PPFIBP1: variants seen among roughly 807,000 people sequenced by gnomAD.
PPFIBP1 encodes the protein PPFIB scaffold protein 1, also known as liprin-beta-1.
Under a neutral mutation model 137.8 loss-of-function variants are expected in PPFIBP1, and 112 were observed. That is an observed-to-expected ratio of 0.81 (90% CI 0.70 to 0.95). The LOEUF is 0.95. Ranked by LOEUF, PPFIBP1 falls within the 40% of genes least tolerant of loss-of-function variation. PPFIBP1 has a pLI of 0.00. For synonymous variants in PPFIBP1, 378 were observed against 417.3 expected (o/e 0.91, Z 1.15); for missense variants, 1,083 against 1,196.6 (o/e 0.91, Z 1.40).
Position 27,689,084 on chromosome 12 carries a change from C to T in PPFIBP1, c.2566C>T (p.Leu856=). 1 of 1,613,306 alleles carries T rather than the reference C, an allele frequency of 6.2e-7. No homozygotes were observed. Among genetic ancestry groups the T allele is most frequent in the Admixed American group, 1.7e-5 (1 of 59,866 alleles). Residue 856 remains leucine (L), a synonymous_variant, in exon 27 of 30, where the codon CTG becomes TTG. Coordinates refer to ENST00000228425, the MANE Select transcript of PPFIBP1 (RefSeq NM_003622.4). Reference sequence around the variant, plus strand: ...GAACATCCCACCCAATAAGACTTTGCTGCGAAGACATTTGGCCACTCATTT... The same window carrying T: ...GAACATCCCACCCAATAAGACTTTGTTGCGAAGACATTTGGCCACTCATTT... ...LLNIPPNKTL[L]RRHLATHFNL... is the part of the protein sequence containing the mutation.
At chr12:27,597,165 A>ATTAT (rs896289826) in intron 2 of PPFIBP1, among the ~76,000 whole-genome samples, 4 of 152,222 alleles carry the variant, frequency 2.6e-5, no homozygotes, top group African/African-American at 7.2e-5. Context: ...TTATTTATTT[A>ATTAT]TTATTTATTT....
At chr12:27,641,899 C>T (rs12422922) in intron 4 of PPFIBP1, among the ~76,000 whole-genome samples, 37,635 of 151,778 alleles carry the variant, frequency 0.25, 4,890 homozygotes, top group East Asian at 0.29. Flanking sequence ...GGTCCCCTCC[C>T]GTTGTATGGG....
intron 2 of PPFIBP1, chr12:27,608,685 T>A: frequency 2.3e-6 from 1 of 436,150 alleles, no homozygotes; most frequent in Non-Finnish European, 4.2e-6. Context: ...TTCCTCTGGA[T>A]TGTACAAGAA....
intron 1 of PPFIBP1, among the ~76,000 whole-genome samples, chr12:27,573,999 A>C (rs2050352336): frequency 7.2e-6 from 1 of 138,042 alleles, no homozygotes; most frequent in Non-Finnish European, 1.6e-5. Context: ...AAAAAAAAAA[A>C]GCCCAAAACA....
chr12:27,624,732 C>A (rs2056659669), intron 2 of PPFIBP1, among the ~76,000 whole-genome samples: 1 of 152,130 alleles, frequency 6.6e-6, no homozygotes, highest in African/African-American at 2.4e-5. Flanking sequence ...GTGGCTGTTC[C>A]ATTTCCTGAA....
rs1212116525 is a variant in PPFIBP1, at chr12:27,526,335, T to C, written c.-124+1970T>C. Among the ~76,000 whole-genome samples the C allele has an allele frequency of 2.6e-5, 4 of 152,324 alleles. No homozygotes were observed. In the South Asian group the frequency reaches 8.3e-4, roughly 32 times the overall value. On this transcript the variant is annotated intron_variant, in intron 1 of 29. Coordinates refer to ENST00000228425, the MANE Select transcript of PPFIBP1 (RefSeq NM_003622.4). ...ACTTGAATATACCAAAACTCTAAAT[T>C]TGATTCACAGTTTGAATAATAGCAG... is the stretch of plus-strand genomic sequence containing the variant.
At chr12:27,541,992 C>T (rs997033001) in intron 1 of PPFIBP1, among the ~76,000 whole-genome samples, 15 of 152,074 alleles carry the variant, frequency 9.9e-5, no homozygotes, top group Admixed American at 3.3e-4. Context: ...CTACATAGCC[C>T]TATCTTGGCA....
intron 2 of PPFIBP1, among the ~76,000 whole-genome samples, chr12:27,598,521 G>T (rs2053584307): frequency 6.6e-6 from 1 of 151,670 alleles, no homozygotes; most frequent in African/African-American, 2.4e-5. Flanking sequence ...AACCATATCT[G>T]ATATATTCTC....
chr12:27,570,526 G>A (rs1186970585), intron 1 of PPFIBP1, among the ~76,000 whole-genome samples: 2 of 151,904 alleles, frequency 1.3e-5, no homozygotes, highest in Non-Finnish European at 2.9e-5. Context: ...TAAACAAAAT[G>A]AAAAATTAAA....
At chr12:27,667,612 A>G (rs1268793896) in intron 13 of PPFIBP1, among the ~76,000 whole-genome samples, 1 of 152,246 alleles carries the variant, frequency 6.6e-6, no homozygotes, top group African/African-American at 2.4e-5. Context: ...TTTGCTGTCT[A>G]TTGTACACCA....
chr12:27,613,020 T>A (rs764352152), intron 2 of PPFIBP1, among the ~76,000 whole-genome samples: 5 of 152,170 alleles, frequency 3.3e-5, no homozygotes, highest in Non-Finnish European at 5.9e-5. Context: ...TAGCATGAGC[T>A]ATTGATTGTA....
intron 2 of PPFIBP1, among the ~76,000 whole-genome samples, chr12:27,598,504 A>G (rs2053582729): frequency 6.6e-6 from 1 of 152,192 alleles, no homozygotes; most frequent in African/African-American, 2.4e-5. Flanking sequence ...GGGTGAGGAC[A>G]TAGCCAAACC....
chr12:27,599,722 C>G (rs183163897), intron 2 of PPFIBP1, among the ~76,000 whole-genome samples: 6 of 152,300 alleles, frequency 3.9e-5, no homozygotes, highest in Admixed American at 3.9e-4. Flanking sequence ...ACTGAGGGCA[C>G]AGCATCGTTT....
At chr12:27,539,483 G>T (rs1040041047) in intron 1 of PPFIBP1, among the ~76,000 whole-genome samples, 13 of 152,288 alleles carry the variant, frequency 8.5e-5, no homozygotes, top group African/African-American at 2.6e-4. Context: ...AAAATGTTTT[G>T]ACTATCAAAT....
intron 6 of PPFIBP1, 75 bp from the exon 7 acceptor site, chr12:27,649,935 G>A (rs2058773595): frequency 1.0e-5 from 14 of 1,372,272 alleles, no homozygotes; most frequent in Non-Finnish European, 1.3e-5. Context: ...TGCTTTGTGC[G>A]ATCATAAATG....
chr12:27,658,310 A>G (rs16932270), intron 9 of PPFIBP1, among the ~76,000 whole-genome samples: 9,861 of 152,170 alleles, frequency 0.065, 388 homozygotes, highest in East Asian at 0.11. Flanking sequence ...TAGAAAGCTC[A>G]TGTCAGGGTG....
chr12:27,598,502 A>G (rs2053582157), intron 2 of PPFIBP1, among the ~76,000 whole-genome samples: 1 of 152,128 alleles, frequency 6.6e-6, no homozygotes, highest in Non-Finnish European at 1.5e-5. Flanking sequence ...TTGGGTGAGG[A>G]CATAGCCAAA....
intron 4 of PPFIBP1, chr12:27,635,625 C>T (rs569969309): frequency 6.6e-5 from 11 of 167,512 alleles, no homozygotes; most frequent in Non-Finnish European, 1.3e-4. Flanking sequence ...GGGCCTTTAA[C>T]CCATTTATGC....
chr12:27,552,157 T>A (rs1374115085), intron 1 of PPFIBP1, among the ~76,000 whole-genome samples: 1 of 152,266 alleles, frequency 6.6e-6, no homozygotes, highest in Non-Finnish European at 1.5e-5. Context: ...CAGTAAATGT[T>A]GAATTTGTTT....
Sources: gnomAD v4.1 joint callset for allele counts (sites outside exome capture counted in the v4.1 genomes callset) on GRCh38, gnomAD v4.1.1 for gene constraint, MANE v1.5 for transcripts, NCBI Gene and HGNC (gene_info 2026-07-23, HGNC 2026-07-21) for gene names.